Variants in MORN1 observed in about 807,000 individuals in gnomAD.
MORN1 encodes MORN repeat containing 1, also known as MORN repeat-containing protein 1.
In MORN1, 67 loss-of-function variants were observed where a neutral mutation model predicts 61.9. The ratio of observed to expected loss-of-function variants is 1.08; its 90% CI spans 0.89 to 1.33. The LOEUF is 1.33. MORN1 is among the 40% of genes most tolerant of loss of function. MORN1 has a pLI of 0.00. For missense variants in MORN1, 752 were observed against 691.2 expected, an observed-to-expected ratio of 1.09 and a Z score of -0.99; for synonymous variants, 301 against 292.0, an observed-to-expected ratio of 1.03 and a Z score of -0.31.
At chr1:2,374,681 C>G (rs1642195984) in intron 6 of MORN1, 124 bp from the exon 7 acceptor site, 1 of 738,752 alleles carries the variant, frequency 1.4e-6, no homozygotes, top group African/African-American at 1.7e-5. Flanking sequence ...TAGAAAACCA[C>G]ATCGTCTCGA....
chr1:2,338,063 CG>C (rs1641316543), intron 10 of MORN1, among the ~76,000 whole-genome samples: 1 of 152,034 alleles, frequency 6.6e-6, no homozygotes, highest in African/African-American at 2.4e-5. Context: ...CATGGGGCCC[CG>C]GGGCAGCCCC....
chr1:2,389,560 G>A (rs1642591605), intron 2 of MORN1, among the ~76,000 whole-genome samples: 3 of 152,222 alleles, frequency 2.0e-5, no homozygotes, highest in Non-Finnish European at 2.9e-5. Flanking sequence ...GAGCCACTGC[G>A]CTTGGCTTGA....
In MORN1 at chr1:2,324,117, T is replaced by C; in HGVS notation, c.1277A>G (p.Gln426Arg). Residue 426 changes from glutamine (Q) to arginine (R), a missense_variant, in exon 13 of 14, where the codon CAG (glutamine) becomes CGG (arginine). Physicochemically the swap from Gln to Arg is conservative, Grantham distance 43 (BLOSUM62 1). Transcript: ENST00000378531. Reference sequence around the variant, plus strand: ...CCTACCTAGGTGTGCTGCCGCAGCCTGCTCCTCCGTGGCTCTCCCCTCAGG... The same window carrying C: ...CCTACCTAGGTGTGCTGCCGCAGCCCGCTCCTCCGTGGCTCTCCCCTCAGG... ...SRPEGRATEE[Q>R]AAAAHLGEYV... 6.2e-7 allele frequency: 1 copy of C among 1,600,778 alleles called. No homozygotes were observed. The highest frequency in any genetic ancestry group is 8.5e-7 in the Non-Finnish European group (1 of 1,175,024).
chr1:2,357,662 A>G lies in MORN1; in HGVS notation c.870-64T>C, dbSNP rs1641805647. On this transcript the variant is annotated intron_variant, in intron 9 of 13. Transcript: ENST00000378531. This position sits in a 1 kb window ranked among gnomAD's most constrained non-coding sequence, Gnocchi z 6.3. ...ACACCAAACTAGGGTGCAGGCAGAC[A>G]GCGTGGCCCACGCCCTGGACCCTGG... 3 of 1,516,672 alleles carry G rather than the reference A, an allele frequency of 2.0e-6. No homozygotes were observed. Among genetic ancestry groups the G allele is most frequent in the Non-Finnish European group, 2.7e-6 (3 of 1,128,378 alleles). The allele number at this position is 1,516,672 out of a possible 1,614,324, so 94.0% of individuals were successfully genotyped here.
intron 10 of MORN1, among the ~76,000 whole-genome samples, chr1:2,339,141 G>T (rs931867691): frequency 6.6e-6 from 1 of 152,136 alleles, no homozygotes; most frequent in Non-Finnish European, 1.5e-5. Flanking sequence ...TGTTGCAAGC[G>T]AGAGAAACGA....
rs1289171553 is a variant in MORN1 at position 2,332,734 on chromosome 1, T to C, written c.1250+3735A>G. 8.8e-6 allele frequency: 4 copies of C among 456,430 alleles called. No individual in the cohort carries two copies. In the Admixed American group the frequency reaches 9.4e-5, roughly 11 times the overall value. 28.3% of individuals were successfully genotyped at this position (456,430 alleles called of 1,614,324 possible). The stretch of plus-strand genomic sequence containing the variant: ...ATTTGGAGCAGCCAGGAGAACCCTT[T>C]GTTAGCTCCTGTTGGGATCCTGGGA... On this transcript the variant is annotated intron_variant, in intron 12 of 13. Coordinates refer to ENST00000378531, the MANE Select transcript of MORN1 (RefSeq NM_024848.3).
intron 13 of MORN1, chr1:2,322,436 G>C: frequency 1.0e-6 from 1 of 985,390 alleles, no homozygotes; most frequent in South Asian, 4.7e-5. Context: ...CGCTCCCCTC[G>C]CAGAGCGGCG....
At chr1:2,358,252 C>T (rs546038378) in intron 9 of MORN1, among the ~76,000 whole-genome samples, 2 of 152,226 alleles carry the variant, frequency 1.3e-5, no homozygotes, top group East Asian at 3.9e-4. Flanking sequence ...GCCTGAGCAT[C>T]TCTGCAGCCG....
intron 12 of MORN1, among the ~76,000 whole-genome samples, chr1:2,325,852 T>C (rs972265469): frequency 6.6e-6 from 1 of 152,152 alleles, no homozygotes; most frequent in Non-Finnish European, 1.5e-5. Flanking sequence ...CTCAAACTCC[T>C]GGGCTCAAAT....
At chr1:2,336,413 TGAG>T (rs1213562713) in intron 12 of MORN1, 53 bp downstream of exon 12, 16 of 1,543,336 alleles carry the variant, frequency 1.0e-5, no homozygotes, top group Non-Finnish European at 1.1e-5. Context: ...GCCCAGCTGA[TGAG>T]GAGGCCACAG....
chr1:2,359,789 A>G (rs1419736956), intron 8 of MORN1, among the ~76,000 whole-genome samples: 1 of 151,980 alleles, frequency 6.6e-6, no homozygotes, highest in East Asian at 1.9e-4. Flanking sequence ...AGGTTGAGGC[A>G]GGAGAATCGC....
chr1:2,349,787 T>C (rs970226976), intron 10 of MORN1, among the ~76,000 whole-genome samples: 22 of 152,212 alleles, frequency 1.4e-4, no homozygotes, highest in Admixed American at 1.2e-3. Context: ...CGATTGATTC[T>C]TCATAGATCC....
At chr1:2,348,048 A>C (rs1013881001) in intron 10 of MORN1, among the ~76,000 whole-genome samples, 2 of 152,184 alleles carry the variant, frequency 1.3e-5, no homozygotes, top group African/African-American at 4.8e-5. Context: ...CCCGTGGCCC[A>C]GTGATGTCCC....
chr1:2,348,622 C>CGCACGCACACACCCACCTGCGCAG (rs1641568609), intron 10 of MORN1, among the ~76,000 whole-genome samples: 1 of 150,854 alleles, frequency 6.6e-6, no homozygotes, highest in Non-Finnish European at 1.5e-5. Context: ...TAGGCAGGCA[C>CGCACGCACACACCCACCTGCGCAG]GCACGCACAC....
intron 12 of MORN1, among the ~76,000 whole-genome samples, chr1:2,329,623 G>A (rs1641104699): frequency 6.6e-6 from 1 of 152,210 alleles, no homozygotes; most frequent in African/African-American, 2.4e-5. Flanking sequence ...GAGGGGCTGG[G>A]CTGAGTGGGG....
chr1:2,336,634 A>G (rs1388100870), intron 11 of MORN1, 83 bp downstream of exon 11: 11 of 1,583,490 alleles, frequency 6.9e-6, no homozygotes, highest in Admixed American at 1.7e-5. Context: ...TGGGGCACAC[A>G]TGGCCTGGGT....
At position 2,340,178 on chromosome 1, in the gene MORN1, G is replaced by A. The variant is rs1641365391; in HGVS notation, c.1037-3328C>T. Among the ~76,000 whole-genome samples the A allele has an allele frequency of 2.0e-5, 3 of 151,982 alleles. No homozygotes were observed. In the South Asian group the frequency reaches 6.2e-4, roughly 32 times the overall value. Reference sequence around the variant, plus strand: ...AGACCTCGGAGGCTGCTGTCCCTGGGGTAGGCTTGCCCCTCCTCTGTTCAC... The same window carrying A: ...AGACCTCGGAGGCTGCTGTCCCTGGAGTAGGCTTGCCCCTCCTCTGTTCAC... On this transcript the variant is annotated intron_variant, in intron 10 of 13. Transcript: ENST00000378531.
chr1:2,351,787 G>A, intron 10 of MORN1: 2 of 561,008 alleles, frequency 3.6e-6, no homozygotes, highest in Admixed American at 2.0e-5. Flanking sequence ...ATGAAGACTC[G>A]GCCATCTTGT....
At chr1:2,389,212 G>A (rs1192862579) in intron 2 of MORN1, among the ~76,000 whole-genome samples, 1 of 152,208 alleles carries the variant, frequency 6.6e-6, no homozygotes, top group Non-Finnish European at 1.5e-5. Context: ...ACCACCAAAG[G>A]TTCACGGCAC....
Sources: gnomAD v4.1 joint callset for allele counts (sites outside exome capture counted in the v4.1 genomes callset) on GRCh38, gnomAD v4.1.1 for gene constraint, Gnocchi (gnomAD v3.1) non-coding constraint, MANE v1.5 for transcripts, NCBI Gene and HGNC (gene_info 2026-07-23, HGNC 2026-07-21) for gene names.